The following SLC9A2 variants were observed in gnomAD, a reference collection of about 807,000 sequenced individuals.
SLC9A2 encodes the protein solute carrier family 9 member A2, also known as sodium/hydrogen exchanger 2.
A neutral mutation model predicts 71.7 loss-of-function variants in SLC9A2; 42 were observed. That is an observed-to-expected ratio of 0.59 (90% confidence interval 0.46 to 0.76). The LOEUF (loss-of-function observed/expected upper bound fraction) is 0.76. Ranked by LOEUF, SLC9A2 falls within the 30% of genes least tolerant of loss-of-function variation. The pLI, the probability that SLC9A2 is intolerant of heterozygous loss-of-function variation, is 0.00. For missense variants in SLC9A2, 829 were observed against 1,017.4 expected, an observed-to-expected ratio of 0.81 and a Z score of 2.52; for synonymous variants, 396 against 392.5, an observed-to-expected ratio of 1.01 and a Z score of -0.10.
chr2:102,680,940 G>A (rs548721158), intron 3 of SLC9A2, among the ~76,000 whole-genome samples: 6 of 152,266 alleles, frequency 3.9e-5, no homozygotes, highest in Admixed American at 2.0e-4. Flanking sequence ...ACTAGAGAAG[G>A]CAGGGGACAG....
intron 1 of SLC9A2, among the ~76,000 whole-genome samples, chr2:102,649,516 T>C (rs773162944): frequency 2.6e-5 from 4 of 151,724 alleles, no homozygotes; most frequent in Admixed American, 6.6e-5. Context: ...GCAAAAATTA[T>C]CATCAGAGTG....
At chr2:102,636,018 G>C (rs1676462394) in intron 1 of SLC9A2, among the ~76,000 whole-genome samples, 1 of 151,906 alleles carries the variant, frequency 6.6e-6, no homozygotes, top group Admixed American at 6.6e-5. Context: ...CAAGACTCTA[G>C]TCCTCTGTTT....
intron 1 of SLC9A2, among the ~76,000 whole-genome samples, chr2:102,644,653 G>C (rs977506948): frequency 1.3e-5 from 2 of 152,144 alleles, no homozygotes; most frequent in African/African-American, 4.8e-5. Context: ...CATTACTGAG[G>C]GTTGAGCAGG....
intron 3 of SLC9A2, among the ~76,000 whole-genome samples, chr2:102,674,235 A>G (rs991899750): frequency 2.0e-5 from 3 of 152,360 alleles, no homozygotes; most frequent in Admixed American, 2.0e-4. Flanking sequence ...TAGAGCTAGG[A>G]ATACAGCTAC....
chr2:102,703,728 C>G (rs993651648), intron 9 of SLC9A2, among the ~76,000 whole-genome samples: 1 of 152,148 alleles, frequency 6.6e-6, no homozygotes, highest in African/African-American at 2.4e-5. Context: ...CATGTTTATT[C>G]TATCAGAAAT....
chr2:102,620,172 G>A, intron 1 of SLC9A2, 35 bp downstream of exon 1: 5 of 1,561,240 alleles, frequency 3.2e-6, no homozygotes, highest in South Asian at 1.2e-5. Context: ...ATGGGAGGGG[G>A]CGATCTCGGG....
In SLC9A2 at chr2:102,706,421, G is replaced by A. The variant is rs566202145; in HGVS notation, c.2068+485G>A. 1.4e-3 allele frequency among the ~76,000 whole-genome samples: 210 copies of A among 152,144 alleles called. 2 individuals are homozygous for A. The highest frequency in any genetic ancestry group is 4.9e-3 in the African/African-American group (204 of 41,488). ...AGGGGAACATCACACGCCAGGGCCT[G>A]TTGTGGGGTCGGGGGAGTGGGGAGG... On this transcript the variant is annotated intron_variant, in intron 11 of 11. Coordinates refer to ENST00000233969, the MANE Select transcript of SLC9A2 (RefSeq NM_003048.6).
chr2:102,703,865 G>C (rs1222229877), intron 9 of SLC9A2, among the ~76,000 whole-genome samples: 1 of 152,178 alleles, frequency 6.6e-6, no homozygotes, highest in Admixed American at 6.5e-5. Flanking sequence ...AATCATTGTG[G>C]GGAGTGTCAC....
Position 102,619,674 on chromosome 2 carries a change from G to T in SLC9A2, c.-175G>T. The T allele has an allele frequency of 2.0e-6, 1 of 498,202 alleles. No individual in the cohort carries two copies. The highest frequency in any genetic ancestry group is 3.5e-5 in the East Asian group (1 of 28,328). 30.9% of individuals were successfully genotyped at this position (498,202 alleles called of 1,614,324 possible). On this transcript the variant is annotated 5_prime_UTR_variant, in exon 1 of 12. Coordinates refer to ENST00000233969, the MANE Select transcript of SLC9A2 (RefSeq NM_003048.6). This position sits in a 1 kb window ranked among gnomAD's most constrained non-coding sequence, Gnocchi z 4.3. ...GCCTCGCCAGGCAGTGCGCCTGCTC[G>T]CAGCGAGGACCTAGCCCTCTGGTTG...
rs552584617 is a variant in SLC9A2, at chr2:102,681,176, C to T, written c.1005-2085C>T. On this transcript the variant is annotated intron_variant, in intron 3 of 11. Transcript: ENST00000233969. ...CAGCTTGGTGGGCAGGGAAGACCTC[C>T]TTCCCATCAGAGATCGTAGGGCTCA... Among the ~76,000 whole-genome samples the T allele has an allele frequency of 2.0e-5, 3 of 152,270 alleles. No individual in the cohort carries two copies. In the East Asian group the frequency reaches 5.8e-4, roughly 29 times the overall value.
At chr2:102,638,150 A>G (rs983387523) in intron 1 of SLC9A2, among the ~76,000 whole-genome samples, 2 of 152,014 alleles carry the variant, frequency 1.3e-5, no homozygotes, top group Non-Finnish European at 2.9e-5. Flanking sequence ...CGTGAAGGCC[A>G]TGGTGGCTCG....
Position 102,708,165 on chromosome 2 carries a change from C to T in SLC9A2, c.2115C>T (p.Leu705=), listed in dbSNP as rs751337650. 19 of 1,614,102 alleles carry T rather than the reference C, an allele frequency of 1.2e-5. No individual in the cohort carries two copies. The African/African-American group carries it at 2.5e-4, about 22-fold the overall frequency. The change falls in exon 12 of 12, where the codon CTC becomes CTT. Residue 705 remains leucine (L), a synonymous_variant. Transcript: ENST00000233969. Reference sequence around the variant, plus strand: ...ACGCAGATGCCGGGACCACCGTGCTCAATTTGCAGCCCAGAGCCAGGCGCT... The same window carrying T: ...ACGCAGATGCCGGGACCACCGTGCTTAATTTGCAGCCCAGAGCCAGGCGCT... The part of the protein sequence containing the change: ...DSDADAGTTV[L]NLQPRARRFL...
At chr2:102,656,545 TCATGG>T (rs1676946818) in intron 1 of SLC9A2, among the ~76,000 whole-genome samples, 1 of 152,214 alleles carries the variant, frequency 6.6e-6, no homozygotes, top group Non-Finnish European at 1.5e-5. Flanking sequence ...AGATTAGAGA[TCATGG>T]CATGTTTATA....
chr2:102,642,113 A>C (rs1377046050), intron 1 of SLC9A2, among the ~76,000 whole-genome samples: 1 of 152,150 alleles, frequency 6.6e-6, no homozygotes, highest in African/African-American at 2.4e-5. Flanking sequence ...CAGTAACATA[A>C]GTTATTTATC....
chr2:102,654,145 G>A (rs1476733448), intron 1 of SLC9A2, among the ~76,000 whole-genome samples: 1 of 150,036 alleles, frequency 6.7e-6, no homozygotes, highest in Non-Finnish European at 1.5e-5. Context: ...AGGAAAGGAA[G>A]TGATTGCATT....
chr2:102,679,601 A>T (rs963306175), intron 3 of SLC9A2, among the ~76,000 whole-genome samples: 9 of 151,940 alleles, frequency 5.9e-5, no homozygotes, highest in Non-Finnish European at 8.8e-5. Context: ...GATGGTCTTG[A>T]TCTCCCCACC....
At position 102,634,825 on chromosome 2, in the gene SLC9A2, T is replaced by C. The variant is rs141994974; in HGVS notation, c.289+14688T>C. Among the ~76,000 whole-genome samples the C allele has an allele frequency of 3.2e-3, 494 of 152,234 alleles. 7 individuals carry two copies. Among genetic ancestry groups the C allele is most frequent in the African/African-American group, 0.011 (469 of 41,550 alleles). On this transcript the variant is annotated intron_variant, in intron 1 of 11. Transcript: ENST00000233969. ...ATGAAAGATGAGCAGCCAGGCATAA[T>C]TGGTGGAGGGCTAGGTGAAAGACTA...
intron 1 of SLC9A2, among the ~76,000 whole-genome samples, chr2:102,638,512 A>T (rs1338966531): frequency 6.6e-6 from 1 of 152,234 alleles, no homozygotes; most frequent in Non-Finnish European, 1.5e-5. Context: ...GATTGCACTC[A>T]GGAGGCACTG....
rs1558727849 is a variant in SLC9A2 at position 102,709,797 on chromosome 2, CTGTTT to C, written c.*1310_*1314del. On this transcript the variant is annotated 3_prime_UTR_variant, in exon 12 of 12. Transcript: ENST00000233969. ...TCTCTTAACTGTAGATTTTATTGGC[CTGTTT>C]TTTTTTTCTAAATAATTCTTTAAAA... 6.6e-6 allele frequency: 1 copy of C among 151,942 alleles called. No homozygotes were observed. Among genetic ancestry groups the C allele is most frequent in the Non-Finnish European group, 1.5e-5 (1 of 67,924 alleles). The allele number at this position is 151,942 out of a possible 1,614,324, so 9.4% of individuals were successfully genotyped here. A position where few individuals can be genotyped will look rare whatever the true frequency, so the allele number is the denominator to read the frequency against.
Sources: gnomAD v4.1 joint callset for allele counts (sites outside exome capture counted in the v4.1 genomes callset) on GRCh38, gnomAD v4.1.1 for gene constraint, Gnocchi (gnomAD v3.1) non-coding constraint, MANE v1.5 for transcripts, NCBI Gene and HGNC (gene_info 2026-07-23, HGNC 2026-07-21) for gene names.